The following KCNIP4 variants were observed in gnomAD, a reference collection of about 807,000 sequenced individuals.
KCNIP4 encodes Kv channel-interacting protein 4.
In KCNIP4, 12 loss-of-function variants were observed where a neutral mutation model predicts 34.0. That is an observed-to-expected ratio of 0.35 (90% confidence interval 0.23 to 0.57). The LOEUF (loss-of-function observed/expected upper bound fraction) is 0.57, where lower values mean the gene tolerates loss of function less well. Ranked by LOEUF, KCNIP4 falls within the 20% of genes least tolerant of loss-of-function variation. The pLI is 0.83. For synonymous variants in KCNIP4, 124 were observed against 102.2 expected, an observed-to-expected ratio of 1.21 and a Z score of -1.29; for missense variants, 238 against 311.7, an observed-to-expected ratio of 0.76 and a Z score of 1.78.
chr4:21,262,782 C>T (rs1761554475), intron 1 of KCNIP4, among the ~76,000 whole-genome samples: 1 of 152,098 alleles, frequency 6.6e-6, no homozygotes, highest in Non-Finnish European at 1.5e-5. Context: ...TCAGTGAATC[C>T]CATTTATTTT....
chr4:21,437,967 C>T (rs1337690873), intron 1 of KCNIP4, among the ~76,000 whole-genome samples: 1 of 151,026 alleles, frequency 6.6e-6, no homozygotes, highest in Non-Finnish European at 1.5e-5. Context: ...AACTTTCATG[C>T]TCTTGTTATT....
rs115950445 is a variant in KCNIP4 at position 21,598,269 on chromosome 4, T to G, written c.61+350302A>C. ...AAAAGGTTAATCAGCTAGACCAGCTTGTATAGAGAACATGCATTTTAAGTT... is the reference window on the plus strand; with the variant it reads ...AAAAGGTTAATCAGCTAGACCAGCTGGTATAGAGAACATGCATTTTAAGTT... On this transcript the variant is annotated intron_variant, in intron 1 of 8. Transcript: ENST00000382152. Among the ~76,000 whole-genome samples, 432 of 152,246 alleles carry G rather than the reference T, an allele frequency of 2.8e-3. 2 individuals carry two copies. Among genetic ancestry groups the G allele is most frequent in the African/African-American group, 9.9e-3 (410 of 41,562 alleles).
intron 1 of KCNIP4, among the ~76,000 whole-genome samples, chr4:21,195,136 C>A (rs373664964): frequency 6.6e-6 from 1 of 152,250 alleles, no homozygotes; most frequent in African/African-American, 2.4e-5. Context: ...TCTTCATTGC[C>A]GCAAATGTTC....
chr4:21,762,823 C>A, intron 1 of KCNIP4: 3 of 709,000 alleles, frequency 4.2e-6, no homozygotes, highest in Non-Finnish European at 4.0e-6. Flanking sequence ...TAAATGTTCA[C>A]ATGAAGAATG....
intron 1 of KCNIP4, among the ~76,000 whole-genome samples, chr4:21,486,677 T>A (rs1306166025): frequency 6.6e-6 from 1 of 152,168 alleles, no homozygotes; most frequent in Non-Finnish European, 1.5e-5. Flanking sequence ...TTTTGAAAAA[T>A]TTTAGAATAG....
At chr4:21,522,908 G>A (rs1735662640) in intron 1 of KCNIP4, among the ~76,000 whole-genome samples, 1 of 151,980 alleles carries the variant, frequency 6.6e-6, no homozygotes, top group Middle Eastern at 3.2e-3. Context: ...AGGTATAAAT[G>A]TTTGTGTCCC....
intron 1 of KCNIP4, among the ~76,000 whole-genome samples, chr4:21,867,301 A>G (rs1200554173): frequency 3.9e-5 from 6 of 152,202 alleles, no homozygotes; most frequent in Non-Finnish European, 2.9e-5. Context: ...CCCAATGTAG[A>G]AGTAGAAATG....
intron 1 of KCNIP4, among the ~76,000 whole-genome samples, chr4:21,002,107 G>A (rs183210307): frequency 2.5e-4 from 38 of 152,276 alleles, no homozygotes; most frequent in African/African-American, 9.1e-4. Context: ...TAAATAGGCA[G>A]CACTGTTCAA....
intron 1 of KCNIP4, among the ~76,000 whole-genome samples, chr4:20,957,499 T>C (rs1046525297): frequency 6.6e-6 from 1 of 152,170 alleles, no homozygotes; most frequent in Non-Finnish European, 1.5e-5. Flanking sequence ...TAAGATCTTA[T>C]ATCTAGTATA....
At chr4:21,589,186 A>ACG (rs1741925362) in intron 1 of KCNIP4, among the ~76,000 whole-genome samples, 3 of 75,350 alleles carry the variant, frequency 4.0e-5, no homozygotes, top group African/African-American at 1.7e-4. Flanking sequence ...ATATATATAT[A>ACG]TATATATATA....
In KCNIP4 at chr4:21,686,819, G is replaced by GTATA. The variant is rs561408255; in HGVS notation, c.61+261748_61+261751dup. ...GGTATTTCTAGTATCCCATTACTGG[G>GTATA]TATATACCCAAATGACTATAAATCA... On this transcript the variant is annotated intron_variant, in intron 1 of 8. Coordinates refer to ENST00000382152, the MANE Select transcript of KCNIP4 (RefSeq NM_025221.6). Among the ~76,000 whole-genome samples, 1,100 of 152,080 alleles carry GTATA rather than the reference G, an allele frequency of 7.2e-3. 18 individuals carry two copies. The highest frequency in any genetic ancestry group is 0.022 in the South Asian group (106 of 4,818).
intron 1 of KCNIP4, among the ~76,000 whole-genome samples, chr4:21,240,096 C>T (rs1361098063): frequency 6.6e-6 from 1 of 150,960 alleles, no homozygotes; most frequent in Non-Finnish European, 1.5e-5. Context: ...AAGCTGGAAA[C>T]CATCATTCTT....
At position 20,729,915 on chromosome 4, in the gene KCNIP4, C is replaced by T. The variant is rs1444744798; in HGVS notation, c.*167G>A. The T allele has an allele frequency of 2.8e-6, 2 of 710,360 alleles. No homozygotes were observed. Among genetic ancestry groups the T allele is most frequent in the Non-Finnish European group, 4.2e-6 (2 of 479,290 alleles). The allele number at this position is 710,360 out of a possible 1,614,324, so 44.0% of individuals were successfully genotyped here. A position where few individuals can be genotyped will look rare whatever the true frequency, so the allele number is the denominator to read the frequency against. On this transcript the variant is annotated 3_prime_UTR_variant, in exon 9 of 9. Transcript: ENST00000382152. ...TTATGAAAAGGATGCAAATTTATAA[C>T]TGAAAGCTCAAATCTTTTGGGGATT...
chr4:21,020,953 C>T (rs1188414192), intron 1 of KCNIP4, among the ~76,000 whole-genome samples: 1 of 152,088 alleles, frequency 6.6e-6, no homozygotes, highest in Non-Finnish European at 1.5e-5. Flanking sequence ...TGCAGTCATG[C>T]TTTGCTTAAG....
intron 1 of KCNIP4, among the ~76,000 whole-genome samples, chr4:21,903,861 G>A (rs1394515840): frequency 1.3e-5 from 2 of 152,050 alleles, no homozygotes; most frequent in East Asian, 3.9e-4. Context: ...AATTTCAGAA[G>A]TCTCATTCCT....
chr4:21,720,523 TTTTTTTC>T (rs1469328942), intron 1 of KCNIP4, among the ~76,000 whole-genome samples: 2 of 106,740 alleles, frequency 1.9e-5, no homozygotes, highest in Non-Finnish European at 3.4e-5. Flanking sequence ...CCCATTCTGT[TTTTTTTC>T]TTTTTTTTTT....
chr4:21,552,040 A>T (rs1297604355), intron 1 of KCNIP4, among the ~76,000 whole-genome samples: 3 of 51,664 alleles, frequency 5.8e-5, no homozygotes, highest in African/African-American at 1.4e-4. Context: ...GCTTTTTTTA[A>T]AAAAAAAAAA....
intron 1 of KCNIP4, among the ~76,000 whole-genome samples, chr4:21,447,149 C>T (rs549391202): frequency 1.4e-4 from 21 of 152,260 alleles, no homozygotes; most frequent in Non-Finnish European, 2.4e-4. Flanking sequence ...TATGCATCTA[C>T]ATCCATACTT....
intron 1 of KCNIP4, among the ~76,000 whole-genome samples, chr4:21,342,310 TA>T (rs1287104819): frequency 1.3e-5 from 2 of 152,130 alleles, no homozygotes; most frequent in African/African-American, 2.4e-5. Context: ...ATTCATCCCC[TA>T]GGGGTAAAAT....
Sources: gnomAD v4.1 joint callset for allele counts (sites outside exome capture counted in the v4.1 genomes callset) on GRCh38, gnomAD v4.1.1 for gene constraint, MANE v1.5 for transcripts, NCBI Gene and HGNC (gene_info 2026-07-23, HGNC 2026-07-21) for gene names.